Variants in RUFY1 observed in about 807,000 individuals in gnomAD.
RUFY1 encodes the protein RUN and FYVE domain-containing protein 1.
Under a neutral mutation model 94.6 loss-of-function variants are expected in RUFY1, and 54 were observed. The observed-to-expected ratio is 0.57, with a 90% CI of 0.46 to 0.72. RUFY1 has a LOEUF of 0.72. Among genes scored for constraint, RUFY1 ranks in the 30% least tolerant of loss-of-function variants. The pLI is 0.00. For missense variants in RUFY1, 883 were observed against 883.9 expected (o/e 1.00, Z 0.01); for synonymous variants, 396 against 347.3 (o/e 1.14, Z -1.56).
Position 179,580,241 on chromosome 5 carries a change from G to GTGTGTATATATA in RUFY1, c.891-705_891-704insGTGTATATATAT, listed in dbSNP as rs149099074. Among the ~76,000 whole-genome samples the GTGTGTATATATA allele has an allele frequency of 4.3e-3, 401 of 93,850 alleles. 1 individual carries two copies. The highest frequency in any genetic ancestry group is 8.3e-3 in the East Asian group (22 of 2,652). The allele number at this position is 93,850 out of a possible 152,430, so 61.6% of individuals were successfully genotyped here. ...TGTGTGTGTGTGTGTGTGTGTGTGT[G>GTGTGTATATATA]TATATTTTTTTTTTTTTTTGAGACG... On this transcript the variant is annotated intron_variant, in intron 6 of 17. Transcript: ENST00000319449.
intron 14 of RUFY1, among the ~76,000 whole-genome samples, chr5:179,599,080 G>C (rs1320075424): frequency 6.6e-6 from 1 of 152,248 alleles, no homozygotes; most frequent in Admixed American, 6.5e-5. Flanking sequence ...CGTGTGCAAG[G>C]GGCCTGGGGA....
At chr5:179,569,525 A>G in intron 5 of RUFY1, 100 bp downstream of exon 5, 1 of 1,233,190 alleles carries the variant, frequency 8.1e-7, no homozygotes, top group Non-Finnish European at 1.2e-6. Context: ...GGCAAATGGC[A>G]AAGAGCCCAC....
chr5:179,594,898 A>G lies in RUFY1; in HGVS notation c.1446A>G (p.Glu482=). 6.2e-7 allele frequency: 1 copy of G among 1,613,636 alleles called. No homozygotes were observed. The highest frequency in any genetic ancestry group is 8.5e-7 in the Non-Finnish European group (1 of 1,179,730). Residue 482 remains glutamate, a synonymous_variant, in exon 12 of 18, where the codon GAA becomes GAG. Coordinates refer to ENST00000319449, the MANE Select transcript of RUFY1 (RefSeq NM_025158.5). ...NAESSLQQKN[E]AITSFEGKTN... is the part of the protein sequence containing the mutation. ...AGAGCAGTTTGCAGCAGAAGAATGA[A>G]GCCATCACATCCTTTGAAGGAAAAA...
chr5:179,592,830 A>G (rs1168974167), intron 10 of RUFY1, among the ~76,000 whole-genome samples: 1 of 152,152 alleles, frequency 6.6e-6, no homozygotes, highest in Non-Finnish European at 1.5e-5. Context: ...CTAACATTGC[A>G]CTATCAGATC....
intron 15 of RUFY1, 42 bp from the exon 16 acceptor site, chr5:179,605,834 C>A: frequency 4.3e-6 from 5 of 1,156,896 alleles, no homozygotes; most frequent in Non-Finnish European, 6.5e-6. Context: ...CAGAGCCTCA[C>A]TCTCTCTCAC....
intron 1 of RUFY1, among the ~76,000 whole-genome samples, chr5:179,556,649 C>T (rs760400509): frequency 6.6e-5 from 10 of 152,072 alleles, no homozygotes; most frequent in Non-Finnish European, 1.3e-4. Flanking sequence ...TACAGGTGCA[C>T]GCCAGCACGC....
At chr5:179,593,393 T>G (rs552854445) in intron 10 of RUFY1, 85 bp from the exon 11 acceptor site, 1 of 1,486,312 alleles carries the variant, frequency 6.7e-7, no homozygotes, top group East Asian at 2.4e-5. Flanking sequence ...GTTTGTATTT[T>G]AAGCATTACC....
At chr5:179,569,934 C>T (rs534567356) in intron 5 of RUFY1, among the ~76,000 whole-genome samples, 21 of 152,222 alleles carry the variant, frequency 1.4e-4, no homozygotes, top group Admixed American at 8.5e-4. Flanking sequence ...TTAATAGAGA[C>T]GGGGTTTCAC....
At position 179,567,457 on chromosome 5, in the gene RUFY1, C is replaced by G. The variant is rs761436888; in HGVS notation, c.603-4C>G. On this transcript the variant is annotated splice_polypyrimidine_tract_variant and splice_region_variant and intron_variant, in intron 3 of 17. Coordinates refer to ENST00000319449, the MANE Select transcript of RUFY1 (RefSeq NM_025158.5). ...CAATAGTTGATTCTCTGTTTGAATT[C>G]TAGGACAGCTGTGGGAAGAGGCCGA... The G allele has an allele frequency of 2.5e-6, 4 of 1,609,378 alleles. No homozygotes were observed. The highest frequency in any genetic ancestry group is 1.3e-5 in the African/African-American group (1 of 74,780).
chr5:179,581,691 T>TC (rs2127541858), intron 7 of RUFY1, among the ~76,000 whole-genome samples: 1 of 151,504 alleles, frequency 6.6e-6, no homozygotes, highest in East Asian at 1.9e-4. Context: ...CTTTTCTTTT[T>TC]TTTTTTTTTG....
chr5:179,556,562 G>A (rs796813262), intron 1 of RUFY1, among the ~76,000 whole-genome samples: 8 of 151,640 alleles, frequency 5.3e-5, no homozygotes, highest in East Asian at 1.9e-4. Context: ...ATGCAGTGGC[G>A]CAATCTCGGC....
chr5:179,559,909 C>G (rs994185787), intron 1 of RUFY1, 116 bp from the exon 2 acceptor site: 7 of 1,450,936 alleles, frequency 4.8e-6, no homozygotes, highest in South Asian at 1.5e-5. Context: ...CCAGCACGTC[C>G]GTTCCCTAAG....
At chr5:179,568,496 C>T (rs1279736794) in intron 4 of RUFY1, among the ~76,000 whole-genome samples, 2 of 152,162 alleles carry the variant, frequency 1.3e-5, no homozygotes, top group Non-Finnish European at 2.9e-5. Flanking sequence ...CATATCTTTA[C>T]ACGACAAATA....
At chr5:179,577,159 C>CTTTTTTTTTTTTTTTTGTTTTTTT in intron 6 of RUFY1, 23 bp downstream of exon 6, 1 of 183,384 alleles carries the variant, frequency 5.5e-6, no homozygotes, top group Non-Finnish European at 9.6e-6. Flanking sequence ...TTGTATGTCA[C>CTTTTTTTTTTTTTTTTGTTTTTTT]TTTTTTTTTT....
At chr5:179,559,861 C>T in intron 1 of RUFY1, 164 bp from the exon 2 acceptor site, 1 of 1,415,266 alleles carries the variant, frequency 7.1e-7, no homozygotes. Flanking sequence ...CTCTAGGGAT[C>T]AGGGACTACT....
At chr5:179,565,765 G>T (rs1429765520) in intron 3 of RUFY1, among the ~76,000 whole-genome samples, 3 of 152,102 alleles carry the variant, frequency 2.0e-5, no homozygotes, top group African/African-American at 7.2e-5. Context: ...ATACTTCTTT[G>T]TGTCCGTCTT....
chr5:179,560,108 C>A lies in RUFY1; in HGVS notation c.394C>A (p.Leu132Met), dbSNP rs145492098. Residue 132 changes from leucine to methionine, a missense_variant, in exon 2 of 18, where the codon CTG (leucine) becomes ATG (methionine). Leu to Met is a conservative substitution (Grantham distance 15). Transcript: ENST00000319449. ...CATCAAGGTGTTGCTCCAGTCGGCT[C>A]TGAGCCTGGGCCGCAGCCTGGATGC... ...LSIKVLLQSALSLGRSLDADH... is the reference protein window; with the variant it reads ...LSIKVLLQSAMSLGRSLDADH... 81 of 1,614,002 alleles carry A rather than the reference C, an allele frequency of 5.0e-5. No individual in the cohort carries two copies. The highest frequency in any genetic ancestry group is 6.6e-5 in the Non-Finnish European group (78 of 1,180,022).
At chr5:179,571,859 T>C (rs981068557) in intron 5 of RUFY1, among the ~76,000 whole-genome samples, 3 of 152,222 alleles carry the variant, frequency 2.0e-5, no homozygotes, top group Non-Finnish European at 2.9e-5. Flanking sequence ...TTTTTGAGTT[T>C]TCTTTCTCTA....
intron 16 of RUFY1, chr5:179,606,901 G>A (rs2127577931): frequency 6.6e-6 from 1 of 152,644 alleles, no homozygotes; most frequent in African/African-American, 2.4e-5. Flanking sequence ...TCATGCCTTT[G>A]ACTTCTCTGG....
Sources: gnomAD v4.1 joint callset for allele counts (sites outside exome capture counted in the v4.1 genomes callset) on GRCh38, gnomAD v4.1.1 for gene constraint, MANE v1.5 for transcripts, NCBI Gene and HGNC (gene_info 2026-07-23, HGNC 2026-07-21) for gene names.